Variants in RFX3 observed in about 807,000 individuals in gnomAD.
RFX3 encodes the protein regulatory factor X3.
Under a neutral mutation model 98.6 loss-of-function variants are expected in RFX3, and 14 were observed. The ratio of observed to expected loss-of-function variants is 0.14; its 90% confidence interval spans 0.09 to 0.22. The LOEUF (loss-of-function observed/expected upper bound fraction) is 0.22. RFX3 is among the 10% of genes least tolerant of loss of function. The probability of loss-of-function intolerance (pLI) is 1.00; values close to 1 mark genes in which losing one functional copy is unlikely to be tolerated. For missense variants in RFX3, 639 were observed against 926.9 expected (o/e 0.69, Z 4.03); for synonymous variants, 383 against 328.4 (o/e 1.17, Z -1.80).
At chr9:3,377,535 T>C (rs1432419095) in intron 2 of RFX3, among the ~76,000 whole-genome samples, 3 of 152,072 alleles carry the variant, frequency 2.0e-5, no homozygotes, top group Non-Finnish European at 4.4e-5. Flanking sequence ...CATGTATACA[T>C]ATGTAACAAA....
chr9:3,237,876 C>T (rs1326471168), intron 15 of RFX3, among the ~76,000 whole-genome samples: 1 of 151,986 alleles, frequency 6.6e-6, no homozygotes, highest in East Asian at 1.9e-4. Flanking sequence ...CACAACTCTA[C>T]CACTATCCCA....
At chr9:3,302,798 C>A (rs1828822334) in intron 4 of RFX3, among the ~76,000 whole-genome samples, 1 of 151,714 alleles carries the variant, frequency 6.6e-6, no homozygotes, top group Admixed American at 6.6e-5. Flanking sequence ...TGGTAAAACA[C>A]TTTATACACA....
At chr9:3,430,497 T>G (rs1844557886) in intron 1 of RFX3, among the ~76,000 whole-genome samples, 2 of 152,204 alleles carry the variant, frequency 1.3e-5, no homozygotes, top group Non-Finnish European at 2.9e-5. Context: ...CATTTGTGCC[T>G]CAAAGGCACT....
At chr9:3,238,534 A>G (rs1307673471) in intron 15 of RFX3, among the ~76,000 whole-genome samples, 2 of 152,328 alleles carry the variant, frequency 1.3e-5, no homozygotes, top group African/African-American at 4.8e-5. Flanking sequence ...CTGTTCTTCA[A>G]AGAAGTCAAT....
In RFX3 at chr9:3,222,206, T is replaced by C. The variant is rs1235077996; in HGVS notation, c.*2836A>G. The C allele has an allele frequency of 6.6e-6, 1 of 152,170 alleles. No homozygotes were observed. The highest frequency in any genetic ancestry group is 1.9e-4 in the East Asian group (1 of 5,206). 9.4% of individuals were successfully genotyped at this position (152,170 alleles called of 1,614,324 possible). On this transcript the variant is annotated 3_prime_UTR_variant, in exon 17 of 17. Transcript: ENST00000617270. Reference sequence around the variant, plus strand: ...ACTGTGAACTACAAATAACTAGAAGTAGCATAAACCATAGGTCTTCTTTTT... The same window carrying C: ...ACTGTGAACTACAAATAACTAGAAGCAGCATAAACCATAGGTCTTCTTTTT...
intron 1 of RFX3, among the ~76,000 whole-genome samples, chr9:3,451,052 G>A (rs995954489): frequency 5.9e-5 from 9 of 152,114 alleles, no homozygotes; most frequent in African/African-American, 2.2e-4. Context: ...AGGCGAATCT[G>A]GAGCATCCTG....
chr9:3,322,999 G>A (rs1831483198), intron 4 of RFX3, among the ~76,000 whole-genome samples: 1 of 152,150 alleles, frequency 6.6e-6, no homozygotes, highest in Non-Finnish European at 1.5e-5. Context: ...TAAATTTTAA[G>A]TGTATGTGTA....
chr9:3,475,725 G>A (rs1666434952), intron 1 of RFX3, among the ~76,000 whole-genome samples: 2 of 152,176 alleles, frequency 1.3e-5, no homozygotes, highest in African/African-American at 4.8e-5. Flanking sequence ...TGGACTAGGA[G>A]GGTGACCACT....
intron 1 of RFX3, among the ~76,000 whole-genome samples, chr9:3,428,059 T>G (rs545225148): frequency 2.6e-5 from 4 of 152,204 alleles, no homozygotes; most frequent in African/African-American, 9.6e-5. Context: ...GTATCTGCCT[T>G]CTCTCAATAA....
intron 1 of RFX3, among the ~76,000 whole-genome samples, chr9:3,480,129 T>C (rs1849615004): frequency 6.6e-6 from 1 of 152,254 alleles, no homozygotes; most frequent in South Asian, 2.1e-4. Flanking sequence ...ACAACCACCA[T>C]TTTATTTGGT....
At chr9:3,415,170 CTT>C (rs1491556232) in intron 1 of RFX3, among the ~76,000 whole-genome samples, 2 of 126,360 alleles carry the variant, frequency 1.6e-5, no homozygotes, top group East Asian at 2.2e-4. Flanking sequence ...TATATATATA[CTT>C]ATATATATAT....
chr9:3,475,383 C>A (rs1201509554), intron 1 of RFX3, among the ~76,000 whole-genome samples: 1 of 150,886 alleles, frequency 6.6e-6, no homozygotes, highest in East Asian at 2.0e-4. Flanking sequence ...CCAGGCTGTG[C>A]TGTTATTTAT....
rs1847593740 is a variant in RFX3 at position 3,460,563 on chromosome 9, T to A, written c.-8-64967A>T. Among the ~76,000 whole-genome samples, 2 of 152,140 alleles carry A rather than the reference T, an allele frequency of 1.3e-5. 1 individual carries two copies. The highest frequency in any genetic ancestry group is 6.8e-3 in the Middle Eastern group (2 of 294). On this transcript the variant is annotated intron_variant, in intron 1 of 16. Coordinates refer to ENST00000617270, the MANE Select transcript of RFX3 (RefSeq NM_001282116.2). ...TAATTTTCAATGTTCAATTTTACTT[T>A]CCTTAGCTCTAAACTTGAAACTGAT...
At chr9:3,255,167 A>C (rs1821951570) in intron 14 of RFX3, among the ~76,000 whole-genome samples, 1 of 152,240 alleles carries the variant, frequency 6.6e-6, no homozygotes, top group African/African-American at 2.4e-5. Context: ...AAGAAATAAG[A>C]ATATGGACCA....
intron 2 of RFX3, among the ~76,000 whole-genome samples, chr9:3,367,545 C>T (rs1405435087): frequency 2.6e-5 from 4 of 152,192 alleles, no homozygotes; most frequent in Non-Finnish European, 4.4e-5. Flanking sequence ...TTTTGAGCTA[C>T]TACATCCTTG....
chr9:3,369,959 G>T (rs999840399), intron 2 of RFX3, among the ~76,000 whole-genome samples: 29 of 150,684 alleles, frequency 1.9e-4, no homozygotes, highest in African/African-American at 7.0e-4. Context: ...CTCCCGAGTA[G>T]CTGGGACTAC....
Position 3,222,797 on chromosome 9 carries a change from G to A in RFX3, c.*2245C>T, listed in dbSNP as rs1044680238. On this transcript the variant is annotated 3_prime_UTR_variant, in exon 17 of 17. Coordinates refer to ENST00000617270, the MANE Select transcript of RFX3 (RefSeq NM_001282116.2). The stretch of plus-strand genomic sequence containing the variant: ...ATTGTCTTTTTGGGAGGAAAAAGGG[G>A]GACAGTAATTTAAATGACATTTAGA... The A allele has an allele frequency of 2.0e-5, 3 of 152,042 alleles. No homozygotes were observed. The highest frequency in any genetic ancestry group is 7.2e-5 in the African/African-American group (3 of 41,388). The allele number at this position is 152,042 out of a possible 1,614,324, so 9.4% of individuals were successfully genotyped here.
chr9:3,283,980 G>A (rs572608771), intron 7 of RFX3, among the ~76,000 whole-genome samples: 196 of 151,770 alleles, frequency 1.3e-3, no homozygotes, highest in African/African-American at 4.5e-3. Flanking sequence ...TATGGACTTC[G>A]GTTTTCTCAT....
chr9:3,511,591 C>T (rs1372976578), intron 1 of RFX3, among the ~76,000 whole-genome samples: 2 of 151,890 alleles, frequency 1.3e-5, no homozygotes, highest in Non-Finnish European at 2.9e-5. Flanking sequence ...GGAAATATTC[C>T]AGAAGAAGCA....
Sources: allele counts gnomAD v4.1 joint callset (sites outside exome capture counted in the v4.1 genomes callset), GRCh38; gene constraint gnomAD v4.1.1; transcripts MANE v1.5; gene names NCBI Gene and HGNC (gene_info 2026-07-23, HGNC 2026-07-21).